The following CLASP1 variants were observed in gnomAD, a reference collection of about 807,000 sequenced individuals.
The protein encoded by CLASP1 is CLIP-associating protein 1.
In CLASP1, 38 loss-of-function variants were observed where a neutral mutation model predicts 192.3. That is an observed-to-expected ratio of 0.20 (90% CI 0.15 to 0.26). The LOEUF (loss-of-function observed/expected upper bound fraction) is 0.26. Among genes scored for constraint, CLASP1 ranks in the 10% least tolerant of loss-of-function variants. The pLI, the probability that CLASP1 is intolerant of heterozygous loss-of-function variation, is 1.00. For synonymous variants in CLASP1, 691 were observed against 712.8 expected, an observed-to-expected ratio of 0.97 and a Z score of 0.49; for missense variants, 1,433 against 1,932.5, an observed-to-expected ratio of 0.74 and a Z score of 4.85.
chr2:121,644,942 A>C (rs1187469417), intron 1 of CLASP1, among the ~76,000 whole-genome samples: 1 of 150,346 alleles, frequency 6.7e-6, no homozygotes, highest in African/African-American at 2.5e-5. Flanking sequence ...TGATCAACAG[A>C]GCAAAACTGT....
exon 1 of CLASP1, chr2:121,649,415 G>C (rs1377550956): frequency 6.8e-6 from 1 of 147,488 alleles, no homozygotes; most frequent in Non-Finnish European, 1.5e-5. Flanking sequence ...CCAGAGAGCC[G>C]CCGCCTTCTC....
chr2:121,507,146 TAATATA>T (rs2093969583), intron 7 of CLASP1, among the ~76,000 whole-genome samples: 1 of 152,166 alleles, frequency 6.6e-6, no homozygotes, highest in African/African-American at 2.4e-5. Flanking sequence ...TCAAGTCAAC[TAATATA>T]AATATGTCGA....
intron 2 of CLASP1, chr2:121,531,034 C>G (rs762919560): frequency 1.4e-5 from 10 of 699,160 alleles, no homozygotes; most frequent in Admixed American, 2.0e-5. Context: ...ATAGACTTAT[C>G]AGTTCAAACA....
intron 9 of CLASP1, among the ~76,000 whole-genome samples, chr2:121,463,846 T>C (rs912911558): frequency 2.6e-5 from 4 of 151,948 alleles, no homozygotes; most frequent in African/African-American, 4.8e-5. Context: ...TATTTTATTT[T>C]ATTTTATTAT....
chr2:121,527,160 CTT>C (rs2104670407), intron 5 of CLASP1, among the ~76,000 whole-genome samples: 1 of 152,282 alleles, frequency 6.6e-6, no homozygotes. Context: ...GAGATGGAAA[CTT>C]ATGTTCATGT....
intron 34 of CLASP1, among the ~76,000 whole-genome samples, chr2:121,374,626 CT>C (rs1385032980): frequency 3.9e-5 from 6 of 152,232 alleles, no homozygotes; most frequent in Non-Finnish European, 8.8e-5. Flanking sequence ...AAGGGTGGAG[CT>C]GCCCAAGGCC....
intron 2 of CLASP1, among the ~76,000 whole-genome samples, chr2:121,574,441 C>T (rs1389874529): frequency 6.6e-6 from 1 of 151,952 alleles, no homozygotes; most frequent in Non-Finnish European, 1.5e-5. Context: ...TCCAGACCAG[C>T]CTGGCCAACG....
intron 37 of CLASP1, among the ~76,000 whole-genome samples, chr2:121,360,345 C>T (rs2066143360): frequency 6.6e-6 from 1 of 152,162 alleles, no homozygotes; most frequent in African/African-American, 2.4e-5. Context: ...TAGACTATGA[C>T]TTTGTATGAC....
intron 19 of CLASP1, among the ~76,000 whole-genome samples, chr2:121,435,138 T>C (rs532253966): frequency 7.2e-5 from 11 of 152,278 alleles, no homozygotes; most frequent in South Asian, 4.2e-4. Flanking sequence ...CTGGGAAACA[T>C]AGCAAGACCC....
At chr2:121,382,600 G>A (rs1216429345) in intron 32 of CLASP1, among the ~76,000 whole-genome samples, 2 of 152,176 alleles carry the variant, frequency 1.3e-5, no homozygotes, top group Non-Finnish European at 2.9e-5. Context: ...GAGTGTCTAT[G>A]CGTGAGACTG....
At chr2:121,392,232 T>C (rs2074486916) in intron 30 of CLASP1, among the ~76,000 whole-genome samples, 1 of 152,170 alleles carries the variant, frequency 6.6e-6, no homozygotes, top group Non-Finnish European at 1.5e-5. Flanking sequence ...CATTTTAAAT[T>C]CCAAAATGTA....
At chr2:121,523,444 G>A (rs1471540388) in intron 6 of CLASP1, among the ~76,000 whole-genome samples, 10 of 152,110 alleles carry the variant, frequency 6.6e-5, no homozygotes, top group Admixed American at 6.5e-4. Flanking sequence ...AAACAGACTA[G>A]GCCCTTCCTG....
chr2:121,531,018 G>C (rs775074989), intron 2 of CLASP1: 60 of 700,124 alleles, frequency 8.6e-5, no homozygotes, highest in Admixed American at 5.0e-4. Context: ...ATGAAAACCT[G>C]TTTTCATAGA....
chr2:121,581,257 G>GTTTTTTTTTTTT (rs1429061024), intron 2 of CLASP1, among the ~76,000 whole-genome samples: 5 of 91,678 alleles, frequency 5.5e-5, no homozygotes, highest in African/African-American at 2.9e-4. Context: ...AAGGCCTTTT[G>GTTTTTTTTTTTT]TTCTTTTTTT....
intron 34 of CLASP1, among the ~76,000 whole-genome samples, chr2:121,368,326 C>T (rs1189671414): frequency 2.0e-5 from 3 of 152,184 alleles, no homozygotes; most frequent in South Asian, 2.1e-4. Context: ...TGGGCCTCGG[C>T]GCTTCACAAT....
At chr2:121,548,265 C>T (rs2057670662) in intron 2 of CLASP1, among the ~76,000 whole-genome samples, 1 of 152,124 alleles carries the variant, frequency 6.6e-6, no homozygotes, top group Non-Finnish European at 1.5e-5. Flanking sequence ...AAGAATTTCA[C>T]AATGCAATGA....
intron 1 of CLASP1, among the ~76,000 whole-genome samples, chr2:121,621,101 C>G (rs1392149559): frequency 6.6e-6 from 1 of 151,970 alleles, no homozygotes; most frequent in Non-Finnish European, 1.5e-5. Context: ...TGCTTGTAGT[C>G]CCAGCCACTC....
chr2:121,397,281 G>A, exon 30 of CLASP1: 1 of 1,612,886 alleles, frequency 6.2e-7, no homozygotes, highest in Non-Finnish European at 8.5e-7. Context: ...TTGCAACTTT[G>A]ACCTGAAAGA....
intron 1 of CLASP1, among the ~76,000 whole-genome samples, chr2:121,625,927 C>G (rs1576569747): frequency 6.6e-6 from 1 of 151,572 alleles, no homozygotes; most frequent in Non-Finnish European, 1.5e-5. Flanking sequence ...GGTGAAACCT[C>G]GTCTCTACTA....
Sources: allele counts gnomAD v4.1 joint callset (sites outside exome capture counted in the v4.1 genomes callset), GRCh38; gene constraint gnomAD v4.1.1; transcripts MANE v1.5; gene names NCBI Gene and HGNC (gene_info 2026-07-23, HGNC 2026-07-21).